The following CENPP variants were observed in gnomAD, a reference collection of about 807,000 sequenced individuals.
The protein encoded by CENPP is centromere protein P.
Under a neutral mutation model 35.6 loss-of-function variants are expected in CENPP, and 24 were observed. That is an observed-to-expected ratio of 0.67 (90% CI 0.49 to 0.95). CENPP has a LOEUF of 0.95. Ranked by LOEUF, CENPP falls within the 40% of genes least tolerant of loss-of-function variation. The pLI, the probability that CENPP is intolerant of heterozygous loss-of-function variation, is 0.00. For synonymous variants in CENPP, 120 were observed against 125.5 expected, an observed-to-expected ratio of 0.96 and a Z score of 0.29; for missense variants, 332 against 345.3, an observed-to-expected ratio of 0.96 and a Z score of 0.31.
At chr9:92,518,239 C>T (rs1002234911) in intron 5 of CENPP, among the ~76,000 whole-genome samples, 6 of 152,202 alleles carry the variant, frequency 3.9e-5, no homozygotes, top group Admixed American at 1.3e-4. Context: ...CACAGGGGCT[C>T]AGCTCATCAT....
intron 5 of CENPP, among the ~76,000 whole-genome samples, chr9:92,499,672 T>C (rs1846556436): frequency 1.3e-5 from 2 of 152,240 alleles, no homozygotes; most frequent in African/African-American, 4.8e-5. Flanking sequence ...AACTGAATTT[T>C]ACAAAGTCTT....
At chr9:92,547,914 T>C (rs1353727134) in intron 5 of CENPP, among the ~76,000 whole-genome samples, 1 of 152,106 alleles carries the variant, frequency 6.6e-6, no homozygotes, top group East Asian at 1.9e-4. Context: ...GCCAGTGTGG[T>C]AAAGCAAGAA....
chr9:92,613,065 C>A lies in CENPP; in HGVS notation c.783C>A (p.Ser261Arg). The change falls in exon 8 of 8, where the codon AGC (serine) becomes AGA (arginine). Residue 261 changes from serine (S) to arginine (R), a missense_variant. Ser to Arg is a moderately radical substitution (Grantham distance 110). Coordinates refer to ENST00000375587, the MANE Select transcript of CENPP (RefSeq NM_001012267.3). ...KNRAIETAPLSFRTLVGLLGI... is the reference protein window; with the variant it reads ...KNRAIETAPLRFRTLVGLLGI... Reference sequence around the variant, plus strand: ...GAGCCATAGAAACTGCTCCTCTCAGCTTCCGAACCCTGGTAGGACTGCTTG... The same window carrying A: ...GAGCCATAGAAACTGCTCCTCTCAGATTCCGAACCCTGGTAGGACTGCTTG... 6.2e-7 allele frequency: 1 copy of A among 1,614,172 alleles called. No individual in the cohort carries two copies. Among genetic ancestry groups the A allele is most frequent in the South Asian group, 1.1e-5 (1 of 91,072 alleles).
chr9:92,412,550 A>G (rs1430577882), intron 5 of CENPP, among the ~76,000 whole-genome samples: 2 of 152,226 alleles, frequency 1.3e-5, no homozygotes, highest in Non-Finnish European at 2.9e-5. Flanking sequence ...GGCAACCAAT[A>G]GTCTTTGTCT....
At chr9:92,421,791 G>A (rs1209379653) in intron 5 of CENPP, among the ~76,000 whole-genome samples, 1 of 152,132 alleles carries the variant, frequency 6.6e-6, no homozygotes, top group Admixed American at 6.6e-5. Flanking sequence ...CAGCTTAGTG[G>A]AGGAGAGAGA....
chr9:92,517,710 C>A (rs757687848), intron 5 of CENPP: 1 of 1,614,046 alleles, frequency 6.2e-7, no homozygotes, highest in Admixed American at 1.7e-5. Context: ...GACCGGGCAG[C>A]ATTCCCCTTC....
chr9:92,433,165 TC>T (rs1371552968), intron 5 of CENPP, among the ~76,000 whole-genome samples: 2 of 152,154 alleles, frequency 1.3e-5, no homozygotes, highest in African/African-American at 2.4e-5. Flanking sequence ...AAGTCCAAGA[TC>T]AAGGCACCAG....
At chr9:92,497,796 G>A (rs1846437100) in intron 5 of CENPP, among the ~76,000 whole-genome samples, 3 of 150,008 alleles carry the variant, frequency 2.0e-5, no homozygotes, top group African/African-American at 7.4e-5. Flanking sequence ...AGTCACTCAT[G>A]AATAGATTGA....
At chr9:92,406,090 C>G (rs1432407038) in intron 5 of CENPP, among the ~76,000 whole-genome samples, 1 of 152,176 alleles carries the variant, frequency 6.6e-6, no homozygotes, top group Non-Finnish European at 1.5e-5. Flanking sequence ...TGCACCCAAA[C>G]TGACTTCTAT....
intron 4 of CENPP, among the ~76,000 whole-genome samples, chr9:92,357,137 A>G (rs1841609798): frequency 6.6e-6 from 1 of 152,172 alleles, no homozygotes; most frequent in African/African-American, 2.4e-5. Context: ...GTAACAAACT[A>G]TTGTTGCAAA....
At chr9:92,396,566 TTA>T (rs1284300315) in intron 5 of CENPP, among the ~76,000 whole-genome samples, 9 of 39,398 alleles carry the variant, frequency 2.3e-4, no homozygotes, top group Admixed American at 6.6e-4. Context: ...TTACATACCT[TTA>T]TTTTTTTTTT....
At chr9:92,606,204 G>C (rs993594668) in intron 5 of CENPP, among the ~76,000 whole-genome samples, 1 of 152,184 alleles carries the variant, frequency 6.6e-6, no homozygotes, top group Admixed American at 6.5e-5. Context: ...AGAGATTGCA[G>C]TGAGCCAAGA....
At chr9:92,459,876 A>G in intron 5 of CENPP, 1 of 894,326 alleles carries the variant, frequency 1.1e-6, no homozygotes, top group Non-Finnish European at 1.6e-6. Context: ...TCCTATTTAT[A>G]TATATGTTCA....
intron 5 of CENPP, among the ~76,000 whole-genome samples, chr9:92,463,703 T>C (rs776263010): frequency 8.5e-5 from 13 of 152,212 alleles, no homozygotes; most frequent in Non-Finnish European, 1.8e-4. Context: ...GTTTAACTTA[T>C]TGGGTAGCAT....
intron 5 of CENPP, among the ~76,000 whole-genome samples, chr9:92,386,921 G>A (rs923575413): frequency 9.2e-5 from 14 of 151,716 alleles, no homozygotes; most frequent in East Asian, 1.9e-4. Flanking sequence ...GGTGGTGGGC[G>A]CCTGTAGTCC....
chr9:92,560,344 C>G (rs778786379), intron 5 of CENPP, among the ~76,000 whole-genome samples: 12 of 152,128 alleles, frequency 7.9e-5, no homozygotes, highest in Non-Finnish European at 1.5e-5. Flanking sequence ...AACTTAGTCA[C>G]GAATCCCTTG....
Position 92,340,829 on chromosome 9 carries a change from G to C in CENPP, c.378+3200G>C, listed in dbSNP as rs1588040604. Among the ~76,000 whole-genome samples, 3 of 152,134 alleles carry C rather than the reference G, an allele frequency of 2.0e-5. No homozygotes were observed. In the South Asian group the frequency reaches 6.2e-4, roughly 32 times the overall value. ...TAACTGCACAAATTGTACAGCATGT[G>C]TGTTTGAGCAATATGAAATATGGGA... is the stretch of plus-strand genomic sequence containing the variant. On this transcript the variant is annotated intron_variant, in intron 3 of 7. Coordinates refer to ENST00000375587, the MANE Select transcript of CENPP (RefSeq NM_001012267.3).
chr9:92,377,216 T>C (rs1438157156), intron 4 of CENPP, among the ~76,000 whole-genome samples: 1 of 152,164 alleles, frequency 6.6e-6, no homozygotes, highest in Non-Finnish European at 1.5e-5. Flanking sequence ...GGGCTGCTTT[T>C]TATTAAAAGG....
At chr9:92,373,831 G>GA (rs946689618) in intron 4 of CENPP, among the ~76,000 whole-genome samples, 7 of 151,902 alleles carry the variant, frequency 4.6e-5, no homozygotes, top group South Asian at 4.2e-4. Flanking sequence ...TCTCAAAAAA[G>GA]AAAAAAATCA....
Sources: allele counts gnomAD v4.1 joint callset (sites outside exome capture counted in the v4.1 genomes callset), GRCh38; gene constraint gnomAD v4.1.1; transcripts MANE v1.5; gene names NCBI Gene and HGNC (gene_info 2026-07-23, HGNC 2026-07-21).